The following XRN1 variants were observed in gnomAD, a reference collection of about 807,000 sequenced individuals.
XRN1 encodes strand-exchange protein 1 homolog.
Under a neutral mutation model 222.3 loss-of-function variants are expected in XRN1, and 67 were observed. That is an observed-to-expected ratio of 0.30 (90% confidence interval 0.25 to 0.37). XRN1 has a LOEUF of 0.37. Among genes scored for constraint, XRN1 ranks in the 10% least tolerant of loss-of-function variants. The pLI is 1.00. For missense variants in XRN1, 1,707 were observed against 2,000.2 expected, an observed-to-expected ratio of 0.85 and a Z score of 2.80; for synonymous variants, 643 against 652.4, an observed-to-expected ratio of 0.99 and a Z score of 0.22.
intron 21 of XRN1, among the ~76,000 whole-genome samples, chr3:142,384,175 G>T (rs1409798807): frequency 6.6e-6 from 1 of 151,838 alleles, no homozygotes; most frequent in Non-Finnish European, 1.5e-5. Context: ...GGGAAGCTGT[G>T]GCAGGAGAAT....
At chr3:142,412,466 C>G (rs957548807) in intron 15 of XRN1, 78 bp downstream of exon 15, 1 of 1,410,508 alleles carries the variant, frequency 7.1e-7, no homozygotes, top group African/African-American at 1.4e-5. Flanking sequence ...GTGATTAAAA[C>G]CCATTGCTCA....
In XRN1 at chr3:142,365,091, GAGA is replaced by G; in HGVS notation, c.3347_3349del (p.Phe1116del). 4 of 1,613,488 alleles carry G rather than the reference GAGA, an allele frequency of 2.5e-6. No individual in the cohort carries two copies. Among genetic ancestry groups the G allele is most frequent in the Non-Finnish European group, 3.4e-6 (4 of 1,179,694 alleles). On this transcript the variant is annotated inframe_deletion, in exon 29 of 41. Transcript: ENST00000392981. ...GGTGCCTCGAAGGCCAACTGGAACT[GAGA>G]AGTTTTCTCTCACATTTACAACACG...
intron 39 of XRN1, among the ~76,000 whole-genome samples, chr3:142,314,940 G>T (rs1577202650): frequency 3.6e-5 from 4 of 112,174 alleles, no homozygotes; most frequent in African/African-American, 6.5e-5. Context: ...AAAAATCCAA[G>T]TCTGTCGTCT....
intron 31 of XRN1, 63 bp downstream of exon 31, chr3:142,356,849 A>T (rs1317582693): frequency 1.3e-6 from 2 of 1,528,752 alleles, no homozygotes; most frequent in Non-Finnish European, 1.8e-6. Context: ...ACATTTACAA[A>T]GTCTGCTGTG....
rs118185087 is a variant in XRN1 at position 142,438,258 on chromosome 3, G to A, written c.76-5365C>T. Among the ~76,000 whole-genome samples, 184 of 152,164 alleles carry A rather than the reference G, an allele frequency of 1.2e-3. 2 individuals are homozygous for A. The South Asian group carries it at 0.028, about 23-fold the overall frequency. On this transcript the variant is annotated intron_variant, in intron 1 of 40. Transcript: ENST00000392981. ...TTGGGGAGCGTAACTAATCCGATAG[G>A]CAGAGGTCCGTGGGGAGTTACGCAC...
Position 142,315,093 on chromosome 3 carries a change from C to T in XRN1, c.4622-2335G>A, listed in dbSNP as rs1276148881. ...GGAACTACAGGCACATGGCACCACA[C>T]TCAGCTAATTTTTTCCATCTTTTGT... On this transcript the variant is annotated intron_variant, in intron 39 of 40. Coordinates refer to ENST00000392981, the MANE Select transcript of XRN1 (RefSeq NM_001282857.2). 2.0e-5 allele frequency among the ~76,000 whole-genome samples: 3 copies of T among 151,602 alleles called. No individual in the cohort carries two copies. In the East Asian group the frequency reaches 5.9e-4, roughly 30 times the overall value.
At chr3:142,338,483 T>A (rs1454679202) in intron 33 of XRN1, among the ~76,000 whole-genome samples, 2 of 151,996 alleles carry the variant, frequency 1.3e-5, no homozygotes, top group African/African-American at 4.8e-5. Flanking sequence ...GTGCCTTCGA[T>A]AAGAGTCTGA....
chr3:142,361,124 TA>T (rs763101080), intron 29 of XRN1, among the ~76,000 whole-genome samples: 4 of 152,232 alleles, frequency 2.6e-5, no homozygotes, highest in Non-Finnish European at 5.9e-5. Flanking sequence ...GAATTTTATG[TA>T]AATGAAATAA....
intron 8 of XRN1, 122 bp from the exon 9 acceptor site, chr3:142,421,665 G>C: frequency 1.7e-6 from 1 of 599,066 alleles, no homozygotes; most frequent in Non-Finnish European, 2.7e-6. Flanking sequence ...AGAAAAAACA[G>C]TGTTGGACTA....
intron 34 of XRN1, 33 bp downstream of exon 34, chr3:142,335,414 TG>T (rs1397246832): frequency 6.3e-7 from 1 of 1,598,010 alleles, no homozygotes; most frequent in Non-Finnish European, 8.6e-7. Context: ...ATTAAAAAAT[TG>T]GTAACTAGAA....
chr3:142,360,882 A>AAC (rs2066606654), intron 29 of XRN1, among the ~76,000 whole-genome samples: 1 of 151,388 alleles, frequency 6.6e-6, no homozygotes, highest in Non-Finnish European at 1.5e-5. Context: ...TCAAAAAAAA[A>AAC]AAAAAAAACC....
intron 1 of XRN1, among the ~76,000 whole-genome samples, chr3:142,437,493 C>CCT (rs2069967149): frequency 6.6e-6 from 1 of 152,194 alleles, no homozygotes. Context: ...TAGGATACTA[C>CCT]AAATCCTTAA....
At chr3:142,312,784 C>G in intron 39 of XRN1, 26 bp from the exon 40 acceptor site, 1 of 1,572,774 alleles carries the variant, frequency 6.4e-7, no homozygotes, top group Non-Finnish European at 8.6e-7. Context: ...GAAAATTTTT[C>G]TTTTAGTAAA....
intron 3 of XRN1, 83 bp downstream of exon 3, chr3:142,426,661 G>A: frequency 7.6e-7 from 1 of 1,324,114 alleles, no homozygotes; most frequent in East Asian, 2.4e-5. Flanking sequence ...AATAAATAGA[G>A]CATAGAAAAT....
At chr3:142,347,145 T>C in intron 33 of XRN1, 89 bp downstream of exon 33, 1 of 958,038 alleles carries the variant, frequency 1.0e-6, no homozygotes, top group Non-Finnish European at 1.6e-6. Flanking sequence ...TGAATTTACT[T>C]TATGGTATGT....
chr3:142,328,728 TATATATATATATATATATATATATATA>T (rs1560292084), intron 37 of XRN1, among the ~76,000 whole-genome samples: 246 of 20,912 alleles, frequency 0.012, 15 homozygotes, highest in African/African-American at 0.082. Flanking sequence ...TATATATATA[TATATATATATATATATATATATATATA>T]TATATATATA....
rs942333044 is a variant in XRN1 at position 142,447,780 on chromosome 3, A to G, written c.75+90T>C. On this transcript the variant is annotated intron_variant, in intron 1 of 40. Transcript: ENST00000392981. The surrounding 1 kb of genome is among the most constrained non-coding windows in gnomAD (Gnocchi z 4.2). ...AATCGTCCAGACGACGAGGGGAAAG[A>G]GGTGGCTCGAAAGCCCCAGCTCTAA... 1.3e-5 allele frequency: 19 copies of G among 1,415,660 alleles called. No homozygotes were observed. The highest frequency in any genetic ancestry group is 1.8e-5 in the Non-Finnish European group (18 of 1,020,342). The allele number at this position is 1,415,660 out of a possible 1,614,324, so 87.7% of individuals were successfully genotyped here. A position where few individuals can be genotyped will look rare whatever the true frequency, so the allele number is the denominator to read the frequency against.
intron 5 of XRN1, among the ~76,000 whole-genome samples, chr3:142,424,011 T>C (rs1362181776): frequency 6.6e-6 from 1 of 151,756 alleles, no homozygotes; most frequent in African/African-American, 2.4e-5. Context: ...AATGCAGGAC[T>C]CTTTTGGAGA....
chr3:142,414,673 T>G (rs1383781213), intron 13 of XRN1, among the ~76,000 whole-genome samples: 4 of 152,076 alleles, frequency 2.6e-5, no homozygotes, highest in Non-Finnish European at 5.9e-5. Flanking sequence ...TTTTTTGTAT[T>G]TTTAGTAGAG....
Sources: gnomAD v4.1 joint callset for allele counts (sites outside exome capture counted in the v4.1 genomes callset) on GRCh38, gnomAD v4.1.1 for gene constraint, Gnocchi (gnomAD v3.1) non-coding constraint, MANE v1.5 for transcripts, NCBI Gene and HGNC (gene_info 2026-07-23, HGNC 2026-07-21) for gene names.